Variants in PPRC1 observed in about 807,000 individuals in gnomAD.
The protein encoded by PPRC1 is peroxisome proliferator-activated receptor gamma coactivator-related protein 1.
In PPRC1, 23 loss-of-function variants were observed where a neutral mutation model predicts 132.5. That is an observed-to-expected ratio of 0.17 (90% CI 0.12 to 0.25). The LOEUF (loss-of-function observed/expected upper bound fraction) is 0.25, where lower values mean the gene tolerates loss of function less well. Among genes scored for constraint, PPRC1 ranks in the 10% least tolerant of loss-of-function variants. The probability of loss-of-function intolerance (pLI) is 1.00; values close to 1 mark genes in which losing one functional copy is unlikely to be tolerated. For synonymous variants in PPRC1, 872 were observed against 833.5 expected (o/e 1.05, Z -0.80); for missense variants, 2,006 against 2,089.1 (o/e 0.96, Z 0.78).
At chr10:102,130,849 T>A (rs2133567636), upstream of PPRC1, among the ~76,000 whole-genome samples, 1 of 151,750 alleles carries the variant, frequency 6.6e-6, no homozygotes, top group South Asian at 2.1e-4. Context: ...GGCTAAGAGT[T>A]GGAGAACAGC....
chr10:102,136,203 C>T (rs759665788), intron 1 of PPRC1, among the ~76,000 whole-genome samples: 17 of 152,078 alleles, frequency 1.1e-4, no homozygotes, highest in Non-Finnish European at 1.8e-4. Flanking sequence ...TGCCTAAAAC[C>T]TACCACTTTT....
rs1318309378 is a variant in PPRC1, at chr10:102,142,014, A to T, written c.3496+10A>T. 6.3e-7 allele frequency: 1 copy of T among 1,596,548 alleles called. No individual in the cohort carries two copies. The highest frequency in any genetic ancestry group is 8.6e-7 in the Non-Finnish European group (1 of 1,169,376). ...TTCATCAGTGAGATTGGTGAGTGAC[A>T]CACAGTTCCCCCATGTAGTCCCCAA... is the stretch of plus-strand genomic sequence containing the variant. On this transcript the variant is annotated intron_variant, in intron 5 of 13. Coordinates refer to ENST00000278070, the MANE Select transcript of PPRC1 (RefSeq NM_015062.5).
chr10:102,128,014 A>G (rs141814395), upstream of PPRC1, among the ~76,000 whole-genome samples: 682 of 152,322 alleles, frequency 4.5e-3, 8 homozygotes, highest in African/African-American at 0.015. Context: ...ACAAGGTTGC[A>G]GTCAAATGGC....
rs1220825729 is a variant in PPRC1 at position 102,148,566 on chromosome 10, C to CCTAA, written c.4550+46_4550+49dup. ...GCGCCATGCACCTGGGATGCAGGTG[C>CCTAA]CTAAGAGTTGAGTCTTGAATTGTCT... On this transcript the variant is annotated intron_variant, in intron 10 of 13. Transcript: ENST00000278070. This position sits in a 1 kb window ranked among gnomAD's most constrained non-coding sequence, Gnocchi z 4.2. 1 of 1,612,556 alleles carries CCTAA rather than the reference C, an allele frequency of 6.2e-7. No individual in the cohort carries two copies. Among genetic ancestry groups the CCTAA allele is most frequent in the East Asian group, 2.2e-5 (1 of 44,868 alleles).
At chr10:102,121,898 G>C in the PPRC1 span, among the ~76,000 whole-genome samples, 3 of 152,098 alleles carry the variant, frequency 2.0e-5, no homozygotes, top group African/African-American at 7.2e-5. Flanking sequence ...CAAATGCGGA[G>C]GCTTAAAGTG....
chr10:102,141,322 C>T lies in PPRC1; in HGVS notation c.2814C>T (p.Pro938=), dbSNP rs751916001. ...HVSPSGYPCL[P]PPPTVPLVSG... is the part of the protein sequence containing the mutation. The stretch of plus-strand genomic sequence containing the variant: ...CCCCTTCTGGCTATCCTTGCCTGCC[C>T]CCCCCACCAACGGTGCCCCTAGTGT... Residue 938 remains proline, a synonymous_variant, in exon 5 of 14, where the codon CCC becomes CCT. Coordinates refer to ENST00000278070, the MANE Select transcript of PPRC1 (RefSeq NM_015062.5). The T allele has an allele frequency of 1.9e-6, 3 of 1,613,904 alleles. No homozygotes were observed. The Admixed American group carries it at 5.0e-5, about 27-fold the overall frequency.
In PPRC1 at chr10:102,148,989, C is replaced by T; in HGVS notation, c.4739+51C>T. The T allele has an allele frequency of 1.9e-6, 3 of 1,599,242 alleles. No individual in the cohort carries two copies. The South Asian group carries it at 3.4e-5, about 18-fold the overall frequency. On this transcript the variant is annotated intron_variant, in intron 12 of 13. Transcript: ENST00000278070. This position sits in a 1 kb window ranked among gnomAD's most constrained non-coding sequence, Gnocchi z 4.2. ...TGTTCTTTCTATCCCATTCATCTAC[C>T]TTGGTGTTTCTTTGTCTTGCCTCCT...
Position 102,141,618 on chromosome 10 carries a change from C to T in PPRC1, c.3110C>T (p.Pro1037Leu), listed in dbSNP as rs1460913901. The change falls in exon 5 of 14, where the codon CCC (proline) becomes CTC (leucine). Residue 1037 changes from proline (P) to leucine (L), a missense_variant. Physicochemically the swap from Pro to Leu is moderately conservative, Grantham distance 98. This residue lies in a region of PPRC1 where 1,914 missense variants were observed against 1,917.2 expected (regional missense o/e 1.00). Transcript: ENST00000278070. ...ENVLPLSMAPPLSLGLPGHGA... is the reference protein window; with the variant it reads ...ENVLPLSMAPLLSLGLPGHGA... Reference sequence around the variant, plus strand: ...GTACTTCCCTTGTCGATGGCTCCTCCCCTCAGTCTTGGGCTACCTGGCCAT... The same window carrying T: ...GTACTTCCCTTGTCGATGGCTCCTCTCCTCAGTCTTGGGCTACCTGGCCAT... The T allele has an allele frequency of 6.2e-7, 1 of 1,614,066 alleles. No individual in the cohort carries two copies. The highest frequency in any genetic ancestry group is 1.3e-5 in the African/African-American group (1 of 74,926).
upstream of PPRC1, among the ~76,000 whole-genome samples, chr10:102,129,643 G>T (rs770878818): frequency 1.7e-4 from 25 of 151,430 alleles, no homozygotes; most frequent in Non-Finnish European, 3.2e-4. Flanking sequence ...TCGCCCCGTC[G>T]CCCAGGCTGG....
rs749476039 is a variant in PPRC1 at position 102,138,586 on chromosome 10, T to G, written c.343-33T>G. On this transcript the variant is annotated intron_variant, in intron 2 of 13. Transcript: ENST00000278070. Reference sequence around the variant, plus strand: ...TGGCATAGTAGGTCATTAGGGATGTTGGTAGGACCTTCTGGTTGTTTTTCT... The same window carrying G: ...TGGCATAGTAGGTCATTAGGGATGTGGGTAGGACCTTCTGGTTGTTTTTCT... 6 of 1,610,468 alleles carry G rather than the reference T, an allele frequency of 3.7e-6. No homozygotes were observed. In the South Asian group the frequency reaches 6.6e-5, roughly 18 times the overall value.
intron 4 of PPRC1, 36 bp from the exon 5 acceptor site, chr10:102,139,064 G>T (rs770753120): frequency 6.2e-7 from 1 of 1,607,952 alleles, no homozygotes; most frequent in South Asian, 1.1e-5. Flanking sequence ...CTTTCCCAAA[G>T]AAAACTCCTC....
At position 102,141,457 on chromosome 10, in the gene PPRC1, A is replaced by T. The variant is rs774631758; in HGVS notation, c.2949A>T (p.Gly983=). The change falls in exon 5 of 14, where the codon GGA becomes GGT. Residue 983 remains glycine (G), a synonymous_variant. Transcript: ENST00000278070. ...YSSTCTYGPL[G]WGPGPQHAPF... is the part of the protein sequence containing the mutation. The stretch of plus-strand genomic sequence containing the variant: ...CCACATGTACCTATGGGCCCTTGGG[A>T]TGGGGCCCAGGGCCTCAACATGCTC... 3 of 1,613,720 alleles carry T rather than the reference A, an allele frequency of 1.9e-6. No homozygotes were observed. Among genetic ancestry groups the T allele is most frequent in the Non-Finnish European group, 2.5e-6 (3 of 1,179,910 alleles).
At chr10:102,144,572 T>G in intron 7 of PPRC1, 1 of 542,604 alleles carries the variant, frequency 1.8e-6, no homozygotes, top group Non-Finnish European at 3.3e-6. Context: ...TCCTGGCAAG[T>G]CATACCTTTG....
At chr10:102,133,336 C>A in intron 1 of PPRC1, 115 bp downstream of exon 1, 1 of 966,800 alleles carries the variant, frequency 1.0e-6, no homozygotes, top group Non-Finnish European at 1.3e-6. Flanking sequence ...CGGGTGGCCG[C>A]GGGAGCCGGG....
chr10:102,139,791 T>G lies in PPRC1; in HGVS notation c.1283T>G (p.Leu428Trp), dbSNP rs751506386. 2 of 1,614,192 alleles carry G rather than the reference T, an allele frequency of 1.2e-6. No homozygotes were observed. Among genetic ancestry groups the G allele is most frequent in the Non-Finnish European group, 1.7e-6 (2 of 1,180,032 alleles). ...SEEKLDSACL[L>W]KPREVVEPVV... ...GAGAAGCTGGACTCAGCCTGCTTATTGAAGCCCAGGGAGGTCGTGGAGCCG... is the reference window on the plus strand; with the variant it reads ...GAGAAGCTGGACTCAGCCTGCTTATGGAAGCCCAGGGAGGTCGTGGAGCCG... Residue 428 changes from leucine to tryptophan, a missense_variant, in exon 5 of 14, where the codon TTG (leucine) becomes TGG (tryptophan). Leu to Trp is a moderately conservative substitution (Grantham distance 61, BLOSUM62 -2). Coordinates refer to ENST00000278070, the MANE Select transcript of PPRC1 (RefSeq NM_015062.5).
At chr10:102,138,829 CAT>C in intron 3 of PPRC1, 48 bp from the exon 4 acceptor site, 1 of 1,611,646 alleles carries the variant, frequency 6.2e-7, no homozygotes, top group Non-Finnish European at 8.5e-7. Flanking sequence ...TGGACCTACT[CAT>C]ATAGCTCTGA....
At chr10:102,149,824 T>C in intron 13 of PPRC1, 102 bp from the exon 14 acceptor site, 1 of 895,258 alleles carries the variant, frequency 1.1e-6, no homozygotes, top group Non-Finnish European at 1.9e-6. Context: ...TAGAGCAGTT[T>C]TCACTCCATC....
chr10:102,129,434 A>G (rs1290580567), upstream of PPRC1, among the ~76,000 whole-genome samples: 1 of 152,078 alleles, frequency 6.6e-6, no homozygotes, highest in African/African-American at 2.4e-5. Flanking sequence ...GAGATATATT[A>G]CCTTTTTTGA....
At chr10:102,129,023 G>A (rs1487745032), upstream of PPRC1, among the ~76,000 whole-genome samples, 4 of 143,334 alleles carry the variant, frequency 2.8e-5, no homozygotes, top group Middle Eastern at 8.2e-3. Flanking sequence ...TCCGCCTCCC[G>A]GGTTCACGCC....
Sources: gnomAD v4.1 joint callset for allele counts (sites outside exome capture counted in the v4.1 genomes callset) on GRCh38, gnomAD v4.1.1 for gene constraint, gnomAD v4.1.1 regional missense constraint, Gnocchi (gnomAD v3.1) non-coding constraint, MANE v1.5 for transcripts, NCBI Gene and HGNC (gene_info 2026-07-23, HGNC 2026-07-21) for gene names.